Variants in CSF1 observed in about 807,000 individuals in gnomAD.
CSF1 encodes colony stimulating factor 1.
CSF1 carries 9 observed loss-of-function variants against 48.9 expected under a neutral mutation model. The ratio of observed to expected loss-of-function variants is 0.18; its 90% CI spans 0.11 to 0.32. The LOEUF (loss-of-function observed/expected upper bound fraction) is 0.32, where lower values mean the gene tolerates loss of function less well. Among genes scored for constraint, CSF1 ranks in the 10% least tolerant of loss-of-function variants. CSF1 has a pLI of 1.00. For missense variants in CSF1, 672 were observed against 697.9 expected, an observed-to-expected ratio of 0.96 and a Z score of 0.42; for synonymous variants, 305 against 284.1, an observed-to-expected ratio of 1.07 and a Z score of -0.74.
At position 109,912,668 on chromosome 1, in the gene CSF1, G is replaced by C. The variant is rs145315825; in HGVS notation, c.40-1591G>C. ...TCCCACCTTGCTCTCCTCCAGGGAG[G>C]TTGTCTTCCTGAGCGGTCCCTTTCA... On this transcript the variant is annotated intron_variant, in intron 1 of 8. Transcript: ENST00000329608. 7.2e-5 allele frequency among the ~76,000 whole-genome samples: 11 copies of C among 152,288 alleles called. No individual in the cohort carries two copies. In the East Asian group the frequency reaches 2.1e-3, roughly 29 times the overall value.
intron 8 of CSF1, among the ~76,000 whole-genome samples, chr1:109,927,692 G>A (rs1557739824): frequency 6.6e-6 from 1 of 152,230 alleles, no homozygotes; most frequent in Non-Finnish European, 1.5e-5. Flanking sequence ...CAGCCCTAAG[G>A]TGGTCTCCAG....
chr1:109,928,765 CAGGA>C (rs1647947009), intron 8 of CSF1, 83 bp from the exon 9 acceptor site: 1 of 152,762 alleles, frequency 6.5e-6, no homozygotes, highest in Non-Finnish European at 1.5e-5. Flanking sequence ...CAGCAGCCCA[CAGGA>C]ATGCCACACC....
In CSF1 at chr1:109,923,734, C is replaced by T. The variant is rs772160348; in HGVS notation, c.1113C>T (p.Gly371=). The change falls in exon 6 of 9, where the codon GGC becomes GGT. Residue 371 remains glycine, a synonymous_variant. Transcript: ENST00000329608. ...CTGGTACCGCCTTGCCCAGGGTGGG[C>T]CCCGTGAGGCCCACTGGCCAGGACT... is the stretch of plus-strand genomic sequence containing the variant. ...DVTGTALPRV[G]PVRPTGQDWN... 1.2e-6 allele frequency: 2 copies of T among 1,611,108 alleles called. No individual in the cohort carries two copies. The highest frequency in any genetic ancestry group is 1.7e-6 in the Non-Finnish European group (2 of 1,178,436).
At chr1:109,912,718 G>C (rs952400983) in intron 1 of CSF1, among the ~76,000 whole-genome samples, 2 of 152,160 alleles carry the variant, frequency 1.3e-5, no homozygotes, top group African/African-American at 4.8e-5. Context: ...TCCAGACCTT[G>C]AGTGGCAGCC....
At position 109,930,334 on chromosome 1, in the gene CSF1, T is replaced by G. The variant is rs2050462; in HGVS notation, c.*1496T>G. 0.45 allele frequency: 67,828 copies of G among 152,166 alleles called. 16,075 individuals are homozygous for G. The highest frequency in any genetic ancestry group is 0.61 in the African/African-American group (25,230 of 41,480). The allele number at this position is 152,166 out of a possible 1,614,324, so 9.4% of individuals were successfully genotyped here. A position where few individuals can be genotyped will look rare whatever the true frequency, so the allele number is the denominator to read the frequency against. On this transcript the variant is annotated 3_prime_UTR_variant, in exon 9 of 9. Coordinates refer to ENST00000329608, the MANE Select transcript of CSF1 (RefSeq NM_000757.6). ...CTTCCAATGCCTGGAGGGCCTCCAC[T>G]TTGTGGCCAGCCTGTGGTGGTGGCT...
intron 4 of CSF1, among the ~76,000 whole-genome samples, chr1:109,919,318 A>G (rs1380142062): frequency 6.6e-6 from 1 of 152,216 alleles, no homozygotes; most frequent in Non-Finnish European, 1.5e-5. Context: ...GACTCACTGC[A>G]GCCCAACCTC....
In CSF1 at chr1:109,911,123, C is replaced by T. The variant is rs1405017664; in HGVS notation, c.39+61C>T. On this transcript the variant is annotated intron_variant, in intron 1 of 8. Transcript: ENST00000329608. ...CTGGGGCGGGGGCTCGGCGGCCAGG[C>T]GGCCGGGAGCGGCCCCTCGGAGCCG... is the stretch of plus-strand genomic sequence containing the variant. 5.3e-6 allele frequency: 5 copies of T among 947,644 alleles called. No homozygotes were observed. In the East Asian group the frequency reaches 3.3e-4, roughly 62 times the overall value. The allele number at this position is 947,644 out of a possible 1,614,324, so 58.7% of individuals were successfully genotyped here. A position where few individuals can be genotyped will look rare whatever the true frequency, so the allele number is the denominator to read the frequency against.
At chr1:109,928,415 A>G (rs1647931443) in intron 8 of CSF1, among the ~76,000 whole-genome samples, 1 of 152,208 alleles carries the variant, frequency 6.6e-6, no homozygotes, top group African/African-American at 2.4e-5. Flanking sequence ...ATGAAATGAA[A>G]GATTCTTCTT....
chr1:109,923,473 C>T lies in CSF1; in HGVS notation c.852C>T (p.Val284=), dbSNP rs571095454. The T allele has an allele frequency of 5.6e-6, 9 of 1,614,112 alleles. No homozygotes were observed. Among genetic ancestry groups the T allele is most frequent in the South Asian group, 2.2e-5 (2 of 91,076 alleles). ...GCTCACCACAGCCTCGCCCCTCTGT[C>T]GGGGCCTTCAACCCCGGGATGGAGG... ...IGGSPQPRPS[V]GAFNPGMEDI... The change falls in exon 6 of 9, where the codon GTC becomes GTT. Residue 284 remains valine, a synonymous_variant. Coordinates refer to ENST00000329608, the MANE Select transcript of CSF1 (RefSeq NM_000757.6).
Position 109,914,242 on chromosome 1 carries a change from C to T in CSF1, c.40-17C>T. On this transcript the variant is annotated splice_polypyrimidine_tract_variant and intron_variant, in intron 1 of 8. Transcript: ENST00000329608. ...GAGAGTGAGACCTGGGGAGAAATGACACCCTCTCTGTCACAGACATGGCTG... is the reference window on the plus strand; with the variant it reads ...GAGAGTGAGACCTGGGGAGAAATGATACCCTCTCTGTCACAGACATGGCTG... 6.3e-7 allele frequency: 1 copy of T among 1,585,160 alleles called. No homozygotes were observed. Among genetic ancestry groups the T allele is most frequent in the Non-Finnish European group, 8.6e-7 (1 of 1,164,804 alleles).
chr1:109,912,744 C>T (rs907909561), intron 1 of CSF1, among the ~76,000 whole-genome samples: 2 of 152,178 alleles, frequency 1.3e-5, no homozygotes, highest in African/African-American at 4.8e-5. Flanking sequence ...GGGGTAGATA[C>T]ACCGTCTAGT....
Position 109,914,372 on chromosome 1 carries a change from G to T in CSF1, c.153G>T (p.Leu51=). Residue 51 remains leucine, a synonymous_variant, in exon 2 of 9, where the codon CTG becomes CTT. Transcript: ENST00000329608. ...TTGGGAGTGGACACCTGCAGTCTCT[G>T]CAGCGGCTGGTGAGTGTGTGGCCAT... ...HMIGSGHLQS[L]QRLIDSQMET... 6.3e-7 allele frequency: 1 copy of T among 1,599,784 alleles called. No individual in the cohort carries two copies. The highest frequency in any genetic ancestry group is 8.5e-7 in the Non-Finnish European group (1 of 1,172,914).
chr1:109,923,034 G>C (rs1647635498), intron 5 of CSF1, 132 bp from the exon 6 acceptor site: 1 of 837,046 alleles, frequency 1.2e-6, no homozygotes, highest in African/African-American at 1.7e-5. Flanking sequence ...TCAGCCCCAG[G>C]GCTGAGCTAG....
intron 5 of CSF1, chr1:109,922,636 A>G (rs900349496): frequency 6.4e-6 from 1 of 155,182 alleles, no homozygotes; most frequent in Admixed American, 6.5e-5. Flanking sequence ...GGGCCCTGCA[A>G]CCTGCCAGTG....
At position 109,924,040 on chromosome 1, in the gene CSF1, C is replaced by T. The variant is rs769724999; in HGVS notation, c.1419C>T (p.Ser473=). Residue 473 remains serine, a synonymous_variant, in exon 6 of 9, where the codon TCC becomes TCT. Transcript: ENST00000329608. The part of the protein sequence containing the change: ...GAARPLPRFN[S]VPLTDTGHER... Reference sequence around the variant, plus strand: ...CCAGGCCCCTGCCCCGTTTTAACTCCGTTCCTTTGACTGACACAGGCCATG... The same window carrying T: ...CCAGGCCCCTGCCCCGTTTTAACTCTGTTCCTTTGACTGACACAGGCCATG... The T allele has an allele frequency of 9.9e-6, 16 of 1,614,090 alleles. No homozygotes were observed. The highest frequency in any genetic ancestry group is 2.2e-5 in the East Asian group (1 of 44,880).
At chr1:109,915,817 A>G (rs1654877104) in intron 3 of CSF1, 121 bp downstream of exon 3, 6 of 836,650 alleles carry the variant, frequency 7.2e-6, no homozygotes, top group Non-Finnish European at 1.2e-5. Flanking sequence ...GAGTGTGAGG[A>G]TCCATGGGTG....
Position 109,930,846 on chromosome 1 carries a change from T to G in CSF1, c.*2008T>G, listed in dbSNP as rs1351811528. 6.6e-6 allele frequency: 1 copy of G among 152,168 alleles called. No individual in the cohort carries two copies. The highest frequency in any genetic ancestry group is 6.5e-5 in the Admixed American group (1 of 15,276). The allele number at this position is 152,168 out of a possible 1,614,324, so 9.4% of individuals were successfully genotyped here. A position where few individuals can be genotyped will look rare whatever the true frequency, so the allele number is the denominator to read the frequency against. ...GGAACCCCTTCTGTTCTCTGAGAAG[T>G]CAAGAGAGGACATTGGCTCACGCAC... On this transcript the variant is annotated 3_prime_UTR_variant, in exon 9 of 9. Coordinates refer to ENST00000329608, the MANE Select transcript of CSF1 (RefSeq NM_000757.6).
chr1:109,919,461 T>C (rs1251493928), intron 4 of CSF1, among the ~76,000 whole-genome samples: 1 of 152,172 alleles, frequency 6.6e-6, no homozygotes, highest in Non-Finnish European at 1.5e-5. Context: ...ACTCCCAGGC[T>C]CAAGCAATCT....
At position 109,923,769 on chromosome 1, in the gene CSF1, C is replaced by T. The variant is rs752705819; in HGVS notation, c.1148C>T (p.Thr383Ile). The T allele has an allele frequency of 1.9e-6, 3 of 1,607,074 alleles. No individual in the cohort carries two copies. Among genetic ancestry groups the T allele is most frequent in the Admixed American group, 1.7e-5 (1 of 59,062 alleles). ...VRPTGQDWNH[T>I]PQKTDHPSAL... is the part of the protein sequence containing the mutation. The stretch of plus-strand genomic sequence containing the variant: ...CCCACTGGCCAGGACTGGAATCACA[C>T]CCCCCAGAAGACAGACCATCCATCT... Residue 383 changes from threonine (T) to isoleucine (I), a missense_variant, in exon 6 of 9, where the codon ACC becomes ATC. This residue lies in a region of CSF1 where 591 missense variants were observed against 593.6 expected (regional missense o/e 1.00). Coordinates refer to ENST00000329608, the MANE Select transcript of CSF1 (RefSeq NM_000757.6).
Sources: gnomAD v4.1 joint callset for allele counts (sites outside exome capture counted in the v4.1 genomes callset) on GRCh38, gnomAD v4.1.1 for gene constraint, gnomAD v4.1.1 regional missense constraint, MANE v1.5 for transcripts, NCBI Gene and HGNC (gene_info 2026-07-23, HGNC 2026-07-21) for gene names.